The following OPCML variants were observed in gnomAD, a reference collection of about 807,000 sequenced individuals.
OPCML encodes the protein opioid binding protein/cell adhesion molecule like.
Under a neutral mutation model 37.8 loss-of-function variants are expected in OPCML, and 13 were observed. The ratio of observed to expected loss-of-function variants is 0.34; its 90% CI spans 0.22 to 0.55. OPCML has a LOEUF of 0.55. Among genes scored for constraint, OPCML ranks in the 20% least tolerant of loss-of-function variants. The probability of loss-of-function intolerance (pLI) is 0.91; values close to 1 mark genes in which losing one functional copy is unlikely to be tolerated. For synonymous variants in OPCML, 176 were observed against 168.8 expected (o/e 1.04, Z -0.33); for missense variants, 341 against 435.6 (o/e 0.78, Z 1.93).
chr11:132,922,831 G>A (rs747332031), intron 2 of OPCML, among the ~76,000 whole-genome samples: 6 of 152,072 alleles, frequency 3.9e-5, no homozygotes, highest in Admixed American at 1.3e-4. Context: ...CCAGCACTTC[G>A]GGAGGCTGAG....
intron 1 of OPCML, among the ~76,000 whole-genome samples, chr11:133,328,647 C>A (rs1191637103): frequency 6.6e-6 from 1 of 152,172 alleles, no homozygotes; most frequent in Admixed American, 6.5e-5. Context: ...CCTCGACTAG[C>A]TCACAATCTA....
chr11:133,083,312 G>C (rs1234659673), intron 1 of OPCML, among the ~76,000 whole-genome samples: 1 of 152,134 alleles, frequency 6.6e-6, no homozygotes, highest in Non-Finnish European at 1.5e-5. Flanking sequence ...ACCCCTCTGA[G>C]CTGCCCCTCT....
intron 2 of OPCML, among the ~76,000 whole-genome samples, chr11:132,743,733 C>T (rs529461736): frequency 6.6e-6 from 1 of 152,338 alleles, no homozygotes; most frequent in African/African-American, 2.4e-5. Flanking sequence ...AGGGGGATGT[C>T]TTCCTGAGGT....
intron 1 of OPCML, among the ~76,000 whole-genome samples, chr11:133,350,267 C>A (rs1035587407): frequency 6.6e-6 from 1 of 152,190 alleles, no homozygotes. Flanking sequence ...TTTCTCTGTA[C>A]CCACACGCTA....
intron 1 of OPCML, among the ~76,000 whole-genome samples, chr11:133,451,075 G>A (rs867245891): frequency 5.3e-5 from 8 of 151,510 alleles, no homozygotes; most frequent in Admixed American, 6.6e-5. Flanking sequence ...TCTCTAACGG[G>A]GGAAAAGGGA....
At chr11:133,455,888 C>T (rs1946663237) in intron 1 of OPCML, among the ~76,000 whole-genome samples, 1 of 152,202 alleles carries the variant, frequency 6.6e-6, no homozygotes, top group East Asian at 1.9e-4. Flanking sequence ...CACCCCACCT[C>T]ACCCCTTCCA....
chr11:132,674,674 C>T (rs956646290), intron 2 of OPCML, among the ~76,000 whole-genome samples: 14 of 152,100 alleles, frequency 9.2e-5, no homozygotes, highest in African/African-American at 3.4e-4. Flanking sequence ...GATCATAATA[C>T]TTCTGAGTAC....
rs190810397 is a variant in OPCML, at chr11:133,318,715, G to T, written c.61+213549C>A. ...AGTGCAGTAATGAGCACGCTACAGC[G>T]GTTACTGGCTCCATTCTCTATGCCT... On this transcript the variant is annotated intron_variant, in intron 1 of 7. Transcript: ENST00000524381. 2.6e-5 allele frequency among the ~76,000 whole-genome samples: 4 copies of T among 152,214 alleles called. No individual in the cohort carries two copies. In the East Asian group the frequency reaches 5.8e-4, roughly 22 times the overall value.
At chr11:132,689,255 A>G (rs1360654982) in intron 2 of OPCML, among the ~76,000 whole-genome samples, 1 of 152,210 alleles carries the variant, frequency 6.6e-6, no homozygotes, top group Non-Finnish European at 1.5e-5. Context: ...TCACTGGATT[A>G]TGTGGTGAGG....
At chr11:133,143,549 C>T (rs557689194) in intron 1 of OPCML, among the ~76,000 whole-genome samples, 89 of 152,300 alleles carry the variant, frequency 5.8e-4, no homozygotes, top group African/African-American at 2.1e-3. Flanking sequence ...TTTGATTAAG[C>T]ACTAAAATCT....
intron 4 of OPCML, among the ~76,000 whole-genome samples, chr11:132,476,161 A>G (rs1041042962): frequency 3.3e-5 from 5 of 152,220 alleles, no homozygotes; most frequent in African/African-American, 1.2e-4. Flanking sequence ...TTGAAGTTCA[A>G]AAAATCTTAG....
chr11:133,234,895 T>C (rs1940442614), intron 1 of OPCML, among the ~76,000 whole-genome samples: 1 of 152,166 alleles, frequency 6.6e-6, no homozygotes, highest in South Asian at 2.1e-4. Flanking sequence ...TCCAGGCTCG[T>C]CTCTGGCCAA....
chr11:132,599,710 G>T (rs1393301135), intron 3 of OPCML, among the ~76,000 whole-genome samples: 2 of 152,056 alleles, frequency 1.3e-5, no homozygotes, highest in Non-Finnish European at 2.9e-5. Context: ...TACATGAATG[G>T]AATCATACTG....
rs145668781 is a variant in OPCML, at chr11:133,358,638, G to T, written c.61+173626C>A. 4.1e-3 allele frequency among the ~76,000 whole-genome samples: 623 copies of T among 152,320 alleles called. 4 individuals carry two copies. Among genetic ancestry groups the T allele is most frequent in the African/African-American group, 0.014 (579 of 41,558 alleles). On this transcript the variant is annotated intron_variant, in intron 1 of 7. Transcript: ENST00000524381. The stretch of plus-strand genomic sequence containing the variant: ...ATGCAAATAAACTCTTTGTTCTCAT[G>T]TGGCTCACAGTGTAATTGAGAGAGG...
At chr11:133,078,840 C>T (rs1040517116) in intron 1 of OPCML, among the ~76,000 whole-genome samples, 1 of 152,186 alleles carries the variant, frequency 6.6e-6, no homozygotes, top group Non-Finnish European at 1.5e-5. Context: ...TCTCCACCGC[C>T]CCCAACTACC....
chr11:132,552,761 C>CCCTTTTTTTTTTTTTTTTTTTT (rs1337627753), intron 3 of OPCML, among the ~76,000 whole-genome samples: 3 of 67,476 alleles, frequency 4.4e-5, no homozygotes, highest in African/African-American at 3.2e-4. Context: ...TTAAACACTA[C>CCCTTTTTTTTTTTTTTTTTTTT]TCTTTTTTTT....
In OPCML at chr11:133,211,591, T is replaced by C. The variant is rs1369342988; in HGVS notation, c.62-268581A>G. Among the ~76,000 whole-genome samples the C allele has an allele frequency of 5.3e-5, 8 of 152,188 alleles. No individual in the cohort carries two copies. The highest frequency in any genetic ancestry group is 2.6e-4 in the Admixed American group (4 of 15,284). ...ATGCTTTGGCATCAACAGTGGAACATGGTTTCCTAGAAGGGAGCTGAGGTA... is the reference window on the plus strand; with the variant it reads ...ATGCTTTGGCATCAACAGTGGAACACGGTTTCCTAGAAGGGAGCTGAGGTA... On this transcript the variant is annotated intron_variant, in intron 1 of 7. Coordinates refer to ENST00000524381, the MANE Select transcript of OPCML (RefSeq NM_001012393.5). This position sits in a 1 kb window ranked among gnomAD's most constrained non-coding sequence, Gnocchi z 4.1.
Position 133,285,205 on chromosome 11 carries a change from T to G in OPCML, c.61+247059A>C, listed in dbSNP as rs572038447. Among the ~76,000 whole-genome samples, 195 of 152,242 alleles carry G rather than the reference T, an allele frequency of 1.3e-3. 1 individual carries two copies. The highest frequency in any genetic ancestry group is 4.5e-3 in the African/African-American group (187 of 41,554). On this transcript the variant is annotated intron_variant, in intron 1 of 7. Coordinates refer to ENST00000524381, the MANE Select transcript of OPCML (RefSeq NM_001012393.5). ...GTTTGTCCCATTTAGAAGACGTCAG[T>G]GGCTGAGCACAGGGTATGTGGGGAG...
In OPCML at chr11:133,211,800, C is replaced by A. The variant is rs1248220921; in HGVS notation, c.62-268790G>T. On this transcript the variant is annotated intron_variant, in intron 1 of 7. Transcript: ENST00000524381. The surrounding 1 kb of genome is among the most constrained non-coding windows in gnomAD (Gnocchi z 4.1). ...TTCACAATTTTTTTAAGTCTTACAA[C>A]AATCCTAATAAAGTAGACAGTTAAA... Among the ~76,000 whole-genome samples, 4 of 152,192 alleles carry A rather than the reference C, an allele frequency of 2.6e-5. No homozygotes were observed. The highest frequency in any genetic ancestry group is 5.9e-5 in the Non-Finnish European group (4 of 68,040).
Sources: gnomAD v4.1 joint callset for allele counts (sites outside exome capture counted in the v4.1 genomes callset) on GRCh38, gnomAD v4.1.1 for gene constraint, Gnocchi (gnomAD v3.1) non-coding constraint, MANE v1.5 for transcripts, NCBI Gene and HGNC (gene_info 2026-07-23, HGNC 2026-07-21) for gene names.